ARG2: variants seen among roughly 807,000 people sequenced by gnomAD.
The protein encoded by ARG2 is arginase-2, mitochondrial.
Under a neutral mutation model 39.4 loss-of-function variants are expected in ARG2, and 21 were observed. The ratio of observed to expected loss-of-function variants is 0.53; its 90% CI spans 0.38 to 0.77. The LOEUF is 0.77. Among genes scored for constraint, ARG2 ranks in the 30% least tolerant of loss-of-function variants. The probability of loss-of-function intolerance (pLI) is 0.00; values close to 1 mark genes in which losing one functional copy is unlikely to be tolerated. For missense variants in ARG2, 378 were observed against 426.2 expected (o/e 0.89, Z 1.00); for synonymous variants, 150 against 156.7 (o/e 0.96, Z 0.32).
At chr14:67,625,736 CAAA>C (rs200572735) in intron 2 of ARG2, among the ~76,000 whole-genome samples, 1 of 118,446 alleles carries the variant, frequency 8.4e-6, no homozygotes. Flanking sequence ...AATGAAAAAC[CAAA>C]AAAAAAAAAG....
chr14:67,645,472 GATTA>G (rs1467881336), intron 3 of ARG2, among the ~76,000 whole-genome samples, 167 bp from the exon 4 acceptor site: 1 of 152,158 alleles, frequency 6.6e-6, no homozygotes, highest in Admixed American at 6.5e-5. Flanking sequence ...TATCACTCAA[GATTA>G]ATTTTTGAGA....
chr14:67,644,328 T>C (rs576014081), intron 3 of ARG2, among the ~76,000 whole-genome samples: 9 of 152,284 alleles, frequency 5.9e-5, no homozygotes, highest in African/African-American at 9.6e-5. Flanking sequence ...ATTATCCCTA[T>C]CTCACAGAAA....
chr14:67,623,888 T>C (rs1847191275), intron 2 of ARG2, among the ~76,000 whole-genome samples: 1 of 152,172 alleles, frequency 6.6e-6, no homozygotes, highest in Admixed American at 6.5e-5. Flanking sequence ...TCACTCAGGC[T>C]GGAGTGCAGT....
rs374518024 is a variant in ARG2 at position 67,645,652 on chromosome 14, C to T, written c.372C>T (p.Ile124=). 6.4e-5 allele frequency: 103 copies of T among 1,612,630 alleles called. No homozygotes were observed. In the African/African-American group the frequency reaches 1.0e-3, roughly 16 times the overall value. ...TACTTGTTCTTTGCAGCCTGGCAAT[C>T]GGTACCATTAGTGGCCATGCCCGAC... The part of the protein sequence containing the change: ...VTLGGDHSLA[I]GTISGHARHC... Residue 124 remains isoleucine, a synonymous_variant, in exon 4 of 8, where the codon ATC becomes ATT. Transcript: ENST00000261783.
chr14:67,640,947 A>G (rs1019366713), intron 2 of ARG2, among the ~76,000 whole-genome samples: 6 of 152,168 alleles, frequency 3.9e-5, no homozygotes, highest in Admixed American at 3.3e-4. Context: ...TTGAGCACCA[A>G]TATGACATTA....
At chr14:67,637,767 A>G (rs1295210181) in intron 2 of ARG2, among the ~76,000 whole-genome samples, 1 of 152,218 alleles carries the variant, frequency 6.6e-6, no homozygotes. Context: ...AGCAACTTTC[A>G]TATTTTGTTC....
intron 7 of ARG2, 50 bp from the exon 8 acceptor site, chr14:67,650,665 G>C (rs2037161426): frequency 6.4e-7 from 1 of 1,562,390 alleles, no homozygotes; most frequent in Non-Finnish European, 8.8e-7. Context: ...GACCCTCACT[G>C]AGAGTAGCAG....
chr14:67,620,089 G>T lies in ARG2; in HGVS notation c.111+1G>T. The T allele has an allele frequency of 6.3e-7, 1 of 1,595,538 alleles. No individual in the cohort carries two copies. Among genetic ancestry groups the T allele is most frequent in the Non-Finnish European group, 8.5e-7 (1 of 1,170,326 alleles). On this transcript the variant is annotated splice_donor_variant, in intron 1 of 7. Transcript: ENST00000261783. LOFTEE classifies it high-confidence loss of function. ...AGGAGCCCCGTTCTCACAAGGGCAG[G>T]TGAGAACTGGCACCTGGAACCGCCG...
At chr14:67,636,209 T>C (rs1237100872) in intron 2 of ARG2, among the ~76,000 whole-genome samples, 1 of 151,862 alleles carries the variant, frequency 6.6e-6, no homozygotes, top group African/African-American at 2.4e-5. Flanking sequence ...CTATGAGCCC[T>C]GGTAGCAACA....
At chr14:67,626,282 A>G (rs2036865746) in intron 2 of ARG2, among the ~76,000 whole-genome samples, 1 of 152,086 alleles carries the variant, frequency 6.6e-6, no homozygotes, top group Admixed American at 6.6e-5. Flanking sequence ...CAAAACTACA[A>G]TGAAATACCA....
At chr14:67,636,518 A>G (rs901810429) in intron 2 of ARG2, among the ~76,000 whole-genome samples, 1 of 152,216 alleles carries the variant, frequency 6.6e-6, no homozygotes, top group African/African-American at 2.4e-5. Flanking sequence ...GGCTTCTTTC[A>G]GGGATTTACT....
At chr14:67,627,424 A>G (rs1051095537) in intron 2 of ARG2, among the ~76,000 whole-genome samples, 2 of 152,098 alleles carry the variant, frequency 1.3e-5, no homozygotes, top group African/African-American at 2.4e-5. Context: ...ATTACAAATC[A>G]TGTCTGTTGA....
At chr14:67,642,427 CTTCT>C (rs1289424464) in intron 3 of ARG2, 64 bp downstream of exon 3, 11 of 1,543,848 alleles carry the variant, frequency 7.1e-6, no homozygotes, top group South Asian at 1.2e-5. Context: ...CATAACTTAG[CTTCT>C]TTATCTGTTT....
chr14:67,646,801 G>C, intron 5 of ARG2, 63 bp downstream of exon 5: 1 of 1,475,354 alleles, frequency 6.8e-7, no homozygotes, highest in East Asian at 2.3e-5. Flanking sequence ...CTATTTGAAA[G>C]GCTGATGCTT....
At chr14:67,649,524 A>G (rs2037145432) in intron 7 of ARG2, 1 of 152,152 alleles carries the variant, frequency 6.6e-6, no homozygotes. Context: ...ATATATTTCT[A>G]ATAGTGCAAA....
intron 3 of ARG2, among the ~76,000 whole-genome samples, chr14:67,643,568 A>G (rs1009462978): frequency 1.3e-5 from 2 of 152,260 alleles, no homozygotes; most frequent in African/African-American, 4.8e-5. Flanking sequence ...GCATGCCTGC[A>G]GGCCCAGCTA....
intron 5 of ARG2, 43 bp downstream of exon 5, chr14:67,646,781 C>T (rs1203790345): frequency 6.5e-7 from 1 of 1,526,966 alleles, no homozygotes; most frequent in Non-Finnish European, 9.1e-7. Context: ...CTGTCCTAGC[C>T]AATTATGTTC....
In ARG2 at chr14:67,651,496, A is replaced by G. The variant is rs1566809024; in HGVS notation, c.*576A>G. 6.2e-7 allele frequency: 1 copy of G among 1,612,996 alleles called. No individual in the cohort carries two copies. Among genetic ancestry groups the G allele is most frequent in the Admixed American group, 1.7e-5 (1 of 59,972 alleles). On this transcript the variant is annotated 3_prime_UTR_variant, in exon 8 of 8. Coordinates refer to ENST00000261783, the MANE Select transcript of ARG2 (RefSeq NM_001172.4). ...TGGTTGTCACTCTACAAAGAGAAGC[A>G]AAGTGGGGAGTAGTCAGAAGTTTGG...
rs752934455 is a variant in ARG2, at chr14:67,628,480, A to G, written c.184+7514A>G. On this transcript the variant is annotated intron_variant, in intron 2 of 7. Transcript: ENST00000261783. ...GATGTGCCTGCATAGAGGGAAATCTATAATAGACACTATTGGGATTTGGCA... is the reference window on the plus strand; with the variant it reads ...GATGTGCCTGCATAGAGGGAAATCTGTAATAGACACTATTGGGATTTGGCA... Among the ~76,000 whole-genome samples the G allele has an allele frequency of 1.6e-4, 25 of 152,374 alleles. No individual in the cohort carries two copies. The South Asian group carries it at 1.9e-3, about 11-fold the overall frequency.
Sources: allele counts gnomAD v4.1 joint callset (sites outside exome capture counted in the v4.1 genomes callset), GRCh38; gene constraint gnomAD v4.1.1; transcripts MANE v1.5; gene names NCBI Gene and HGNC (gene_info 2026-07-23, HGNC 2026-07-21).